Variants in RP1 observed in about 807,000 individuals in gnomAD.
The protein encoded by RP1 is oxygen-regulated protein 1.
In RP1, 16 loss-of-function variants were observed where a neutral mutation model predicts 14.8. The ratio of observed to expected loss-of-function variants is 1.08; its 90% CI spans 0.73 to 1.65. The LOEUF is 1.65. Among genes scored for constraint, RP1 ranks in the 40% most tolerant of loss-of-function variants. The pLI is 0.00. For missense variants in RP1, 2,631 were observed against 2,535.0 expected (o/e 1.04, Z -0.81); for synonymous variants, 876 against 883.6 (o/e 0.99, Z 0.15).
At chr8:54,633,748 T>TATAG (rs1806297381), downstream of RP1, among the ~76,000 whole-genome samples, 1 of 149,194 alleles carries the variant, frequency 6.7e-6, no homozygotes, top group African/African-American at 2.5e-5. Context: ...TATATATATA[T>TATAG]ATATATATAT....
intron 1 of RP1, among the ~76,000 whole-genome samples, chr8:54,619,951 C>G (rs956507569): frequency 1.3e-5 from 2 of 152,130 alleles, no homozygotes. Context: ...TCCCATATTT[C>G]CTTATTGTCA....
intron 14 of RP1, among the ~76,000 whole-genome samples, chr8:54,703,277 A>T (rs1808069183): frequency 6.6e-6 from 1 of 152,178 alleles, no homozygotes; most frequent in Non-Finnish European, 1.5e-5. Flanking sequence ...AATTGAAATT[A>T]CTTCTTGATC....
intron 3 of RP1, among the ~76,000 whole-genome samples, chr8:54,636,331 A>G (rs1483970535): frequency 6.6e-6 from 1 of 152,254 alleles, no homozygotes; most frequent in Non-Finnish European, 1.5e-5. Flanking sequence ...TGGAAGGCGC[A>G]CTGTCAACAT....
chr8:54,621,506 C>G lies in RP1; in HGVS notation c.540C>G (p.Phe180Leu). The G allele has an allele frequency of 6.2e-7, 1 of 1,614,106 alleles. No homozygotes were observed. The highest frequency in any genetic ancestry group is 8.5e-7 in the Non-Finnish European group (1 of 1,180,012). Reference sequence around the variant, plus strand: ...TGAGCAGGAGGGTCACCCAGAGCTTCGAGGCATTTCTACAGCACCTGACAG... The same window carrying G: ...TGAGCAGGAGGGTCACCCAGAGCTTGGAGGCATTTCTACAGCACCTGACAG... ...VLLSRRVTQS[F>L]EAFLQHLTEV... The change falls in exon 2 of 4, where the codon TTC becomes TTG. Residue 180 changes from phenylalanine (F) to leucine (L), a missense_variant. By Grantham distance (22) the Phe-to-Leu change is conservative. Coordinates refer to ENST00000220676, the MANE Select transcript of RP1 (RefSeq NM_006269.2).
chr8:54,636,841 G>A (rs570062012), intron 3 of RP1, among the ~76,000 whole-genome samples: 2 of 152,312 alleles, frequency 1.3e-5, no homozygotes, highest in South Asian at 4.1e-4. Context: ...TCATTTAAAT[G>A]ACATTGGAGT....
chr8:54,769,632 T>C, intron 22 of RP1: 2 of 763,818 alleles, frequency 2.6e-6, no homozygotes, highest in Non-Finnish European at 4.2e-6. Context: ...ACATTTAGTG[T>C]GCAAAATTAA....
intron 24 of RP1, among the ~76,000 whole-genome samples, chr8:54,785,833 C>G (rs1003070922): frequency 8.6e-5 from 13 of 151,972 alleles, no homozygotes; most frequent in Admixed American, 5.2e-4. Flanking sequence ...TGTGTTTTCA[C>G]TGGAGAAATA....
intron 19 of RP1, among the ~76,000 whole-genome samples, chr8:54,747,565 A>G (rs544516148): frequency 9.8e-5 from 15 of 152,382 alleles, no homozygotes; most frequent in African/African-American, 3.6e-4. Context: ...GGAATGAATG[A>G]ATAAATAAAA....
At position 54,693,439 on chromosome 8, in the gene RP1, C is replaced by A. The variant is rs1052979757; in HGVS notation, c.1718-6028C>A. The stretch of plus-strand genomic sequence containing the variant: ...GGCCATTTTCACAATATTGATTCTT[C>A]CTACCCATGAGTATGGAATGTTCTT... On this transcript the variant is annotated intron_variant, in intron 12 of 22. Transcript: ENST00000636932. Among the ~76,000 whole-genome samples, 4 of 152,078 alleles carry A rather than the reference C, an allele frequency of 2.6e-5. No homozygotes were observed. In the East Asian group the frequency reaches 7.7e-4, roughly 29 times the overall value.
intron 22 of RP1, chr8:54,759,199 T>C: frequency 4.0e-6 from 4 of 1,005,578 alleles, no homozygotes; most frequent in South Asian, 5.1e-5. Flanking sequence ...CGGATTTGTT[T>C]CATTAACTCA....
At chr8:54,611,347 G>A (rs1157402217), upstream of RP1, among the ~76,000 whole-genome samples, 3 of 151,974 alleles carry the variant, frequency 2.0e-5, no homozygotes, top group Admixed American at 6.6e-5. Flanking sequence ...CTAGTTGATG[G>A]TATCCCCAGG....
At chr8:54,590,183 C>A (rs780878080) in intron 1 of RP1, among the ~76,000 whole-genome samples, 2 of 152,212 alleles carry the variant, frequency 1.3e-5, no homozygotes, top group African/African-American at 2.4e-5. Flanking sequence ...TCTGTTGAAT[C>A]ATTCTGCTAA....
chr8:54,599,735 C>T (rs1268813050), intron 1 of RP1, among the ~76,000 whole-genome samples: 1 of 152,130 alleles, frequency 6.6e-6, no homozygotes, highest in African/African-American at 2.4e-5. Context: ...GGTTACAGGC[C>T]ACTGTGCCTG....
intron 12 of RP1, among the ~76,000 whole-genome samples, chr8:54,680,701 G>A (rs1357095424): frequency 1.3e-5 from 2 of 152,158 alleles, no homozygotes; most frequent in African/African-American, 4.8e-5. Context: ...GCTCATGCCT[G>A]TAATCTCAGC....
At chr8:54,750,379 A>G (rs1009605342) in intron 19 of RP1, among the ~76,000 whole-genome samples, 9 of 152,202 alleles carry the variant, frequency 5.9e-5, no homozygotes, top group Non-Finnish European at 5.9e-5. Context: ...CATAGCTAGC[A>G]TGTGGATCTG....
Position 54,720,941 on chromosome 8 carries a change from A to C in RP1, c.2389+635A>C, listed in dbSNP as rs959492204. ...CTATTGTATTTTTCAATTACCTTGAAGTTTAGATTGCTATCTAATTTTTGC... is the reference window on the plus strand; with the variant it reads ...CTATTGTATTTTTCAATTACCTTGACGTTTAGATTGCTATCTAATTTTTGC... On this transcript the variant is annotated intron_variant, in intron 16 of 22. Coordinates refer to the RP1 transcript ENST00000636932. Among the ~76,000 whole-genome samples, 9 of 152,358 alleles carry C rather than the reference A, an allele frequency of 5.9e-5. No individual in the cohort carries two copies. The South Asian group carries it at 8.3e-4, about 14-fold the overall frequency.
chr8:54,637,148 AACTTGT>A (rs1806365142), intron 3 of RP1, among the ~76,000 whole-genome samples: 1 of 152,170 alleles, frequency 6.6e-6, no homozygotes, highest in Non-Finnish European at 1.5e-5. Context: ...TCCTGCTAGG[AACTTGT>A]GGACCTCATC....
chr8:54,777,139 T>C (rs1038275986), intron 23 of RP1, among the ~76,000 whole-genome samples: 2 of 152,238 alleles, frequency 1.3e-5, no homozygotes, highest in Non-Finnish European at 1.5e-5. Flanking sequence ...GAGAATTAAA[T>C]AATATCCATA....
In RP1 at chr8:54,733,959, C is replaced by T. The variant is rs188314299; in HGVS notation, c.2522-586C>T. Among the ~76,000 whole-genome samples the T allele has an allele frequency of 2.2e-3, 335 of 152,294 alleles. 1 individual carries two copies. Among genetic ancestry groups the T allele is most frequent in the African/African-American group, 7.4e-3 (309 of 41,566 alleles). On this transcript the variant is annotated intron_variant, in intron 17 of 22. Coordinates refer to the RP1 transcript ENST00000636932. Reference sequence around the variant, plus strand: ...TGCATTGTGAAACACAAGTGCTTTGCATCCCTGCTGTCATGGACAACTGCT... The same window carrying T: ...TGCATTGTGAAACACAAGTGCTTTGTATCCCTGCTGTCATGGACAACTGCT...
Sources: gnomAD v4.1 joint callset for allele counts (sites outside exome capture counted in the v4.1 genomes callset) on GRCh38, gnomAD v4.1.1 for gene constraint, MANE v1.5 for transcripts, NCBI Gene and HGNC (gene_info 2026-07-23, HGNC 2026-07-21) for gene names.